RALYL: variants seen among roughly 807,000 people sequenced by gnomAD.
RALYL encodes RNA-binding Raly-like protein.
In RALYL, 29 loss-of-function variants were observed where a neutral mutation model predicts 35.1. The observed-to-expected ratio is 0.83, with a 90% CI of 0.61 to 1.13. The LOEUF (loss-of-function observed/expected upper bound fraction) is 1.13, where lower values mean the gene tolerates loss of function less well. Ranked by LOEUF, RALYL falls within the 50% of genes most tolerant of loss-of-function variation. The pLI is 0.00. For synonymous variants in RALYL, 120 were observed against 127.6 expected, an observed-to-expected ratio of 0.94 and a Z score of 0.40; for missense variants, 359 against 360.4, an observed-to-expected ratio of 1.00 and a Z score of 0.03.
intron 1 of RALYL, among the ~76,000 whole-genome samples, chr8:84,252,741 GA>G: frequency 6.6e-6 from 1 of 151,900 alleles, no homozygotes; most frequent in East Asian, 1.9e-4. Flanking sequence ...CAAAGAACTA[GA>G]AAAAAATCCC....
At chr8:84,438,383 C>T (rs1563931706) in intron 1 of RALYL, among the ~76,000 whole-genome samples, 1 of 150,260 alleles carries the variant, frequency 6.7e-6, no homozygotes, top group African/African-American at 2.5e-5. Flanking sequence ...GATTATTTTA[C>T]TTATTTATTT....
chr8:84,877,912 A>G (rs898501173), intron 7 of RALYL, among the ~76,000 whole-genome samples: 1 of 152,184 alleles, frequency 6.6e-6, no homozygotes, highest in African/African-American at 2.4e-5. Context: ...GCTTCCGGTT[A>G]AAGATGATGA....
intron 1 of RALYL, among the ~76,000 whole-genome samples, chr8:84,445,882 CT>C (rs899627434): frequency 3.3e-5 from 5 of 150,946 alleles, no homozygotes; most frequent in Non-Finnish European, 3.0e-5. Context: ...TAATAGTATT[CT>C]TTTTTTGATA....
At chr8:84,800,712 A>T (rs1377286598) in intron 3 of RALYL, among the ~76,000 whole-genome samples, 1 of 152,228 alleles carries the variant, frequency 6.6e-6, no homozygotes, top group African/African-American at 2.4e-5. Context: ...CTCTCTAGGC[A>T]TATCACAATG....
At position 84,195,452 on chromosome 8, in the gene RALYL, C is replaced by T. The variant is rs138526714; in HGVS notation, c.-24+11028C>T. Among the ~76,000 whole-genome samples, 1,068 of 152,138 alleles carry T rather than the reference C, an allele frequency of 7.0e-3. 16 individuals are homozygous for T. Among genetic ancestry groups the T allele is most frequent in the Middle Eastern group, 0.027 (8 of 294 alleles). The stretch of plus-strand genomic sequence containing the variant: ...AGACTCCATCTCAAAAAAATAAAAA[C>T]ATAAGTTTTTAAAAATCAGAAAACA... On this transcript the variant is annotated intron_variant, in intron 1 of 8. Transcript: ENST00000521268.
intron 1 of RALYL, among the ~76,000 whole-genome samples, chr8:84,486,009 C>CTTTTTTTT (rs3043836): frequency 9.5e-6 from 1 of 104,942 alleles, no homozygotes; most frequent in Non-Finnish European, 1.9e-5. Context: ...AAATCAAAAG[C>CTTTTTTTT]TTTTTTTTTT....
At chr8:84,415,436 T>C (rs112083319) in intron 1 of RALYL, among the ~76,000 whole-genome samples, 4,453 of 152,098 alleles carry the variant, frequency 0.029, 218 homozygotes, top group African/African-American at 0.1. Flanking sequence ...GATGGGGTTT[T>C]GCCATGTTGG....
chr8:84,409,335 A>G (rs1038095593), intron 1 of RALYL, among the ~76,000 whole-genome samples: 4 of 152,074 alleles, frequency 2.6e-5, no homozygotes, highest in African/African-American at 9.6e-5. Context: ...ACACTAATAT[A>G]TCTCTGATTC....
At chr8:84,224,012 A>C (rs1823192415) in intron 1 of RALYL, among the ~76,000 whole-genome samples, 1 of 152,130 alleles carries the variant, frequency 6.6e-6, no homozygotes, top group Admixed American at 6.5e-5. Flanking sequence ...TAGGTATCTT[A>C]AGTTTACCCT....
At chr8:84,871,802 C>A (rs1457217030) in intron 6 of RALYL, among the ~76,000 whole-genome samples, 1 of 152,066 alleles carries the variant, frequency 6.6e-6, no homozygotes, top group Non-Finnish European at 1.5e-5. Flanking sequence ...GAAAAGTTTT[C>A]TCATTTTTAT....
At chr8:84,435,711 C>T (rs912821729) in intron 1 of RALYL, among the ~76,000 whole-genome samples, 2 of 152,082 alleles carry the variant, frequency 1.3e-5, no homozygotes, top group African/African-American at 2.4e-5. Context: ...CACTACCATA[C>T]TCACCAAAGA....
chr8:84,689,380 C>T (rs1201366934), intron 2 of RALYL, among the ~76,000 whole-genome samples: 2 of 152,172 alleles, frequency 1.3e-5, no homozygotes, highest in African/African-American at 4.8e-5. Flanking sequence ...TTTCCAATTT[C>T]ATCCATGTCC....
At chr8:84,619,546 C>A (rs1379322642) in intron 2 of RALYL, among the ~76,000 whole-genome samples, 1 of 146,750 alleles carries the variant, frequency 6.8e-6, no homozygotes, top group Non-Finnish European at 1.5e-5. Flanking sequence ...ACTCTTTATC[C>A]AATTTGCCAG....
At chr8:84,514,362 A>G (rs114401279) in intron 1 of RALYL, among the ~76,000 whole-genome samples, 3,299 of 152,244 alleles carry the variant, frequency 0.022, 119 homozygotes, top group African/African-American at 0.074. Flanking sequence ...GTGGCCGTCT[A>G]TCTATGCTGG....
chr8:84,480,269 T>C (rs1564006819), intron 1 of RALYL, among the ~76,000 whole-genome samples: 2 of 152,140 alleles, frequency 1.3e-5, no homozygotes, highest in Non-Finnish European at 2.9e-5. Context: ...AGAGTGCACT[T>C]TGTTCTGAGT....
chr8:84,683,568 T>C (rs1836093853), intron 2 of RALYL, among the ~76,000 whole-genome samples: 1 of 152,184 alleles, frequency 6.6e-6, no homozygotes, highest in Non-Finnish European at 1.5e-5. Flanking sequence ...TCAATGGATG[T>C]TGAAAGATAC....
intron 2 of RALYL, among the ~76,000 whole-genome samples, chr8:84,591,842 C>T (rs184471063): frequency 6.6e-6 from 1 of 152,248 alleles, no homozygotes; most frequent in East Asian, 1.9e-4. Context: ...GACTTTGAAA[C>T]TATAATTTAC....
intron 4 of RALYL, among the ~76,000 whole-genome samples, chr8:84,807,260 C>T (rs1183295139): frequency 1.3e-5 from 2 of 152,134 alleles, no homozygotes; most frequent in Admixed American, 6.5e-5. Flanking sequence ...TGAACACATA[C>T]GATGTTTGGT....
chr8:84,599,370 T>C (rs1292838563), intron 2 of RALYL, among the ~76,000 whole-genome samples: 2 of 151,976 alleles, frequency 1.3e-5, no homozygotes, highest in African/African-American at 4.8e-5. Flanking sequence ...ACTTCTTAAG[T>C]ATATATATAC....
Sources: allele counts gnomAD v4.1 joint callset (sites outside exome capture counted in the v4.1 genomes callset), GRCh38; gene constraint gnomAD v4.1.1; transcripts MANE v1.5; gene names NCBI Gene and HGNC (gene_info 2026-07-23, HGNC 2026-07-21).